The following COL1A1 variants were observed in gnomAD, a reference collection of about 807,000 sequenced individuals.
The protein encoded by COL1A1 is collagen type I alpha 1 chain.
A neutral mutation model predicts 195.7 loss-of-function variants in COL1A1; 21 were observed. The observed-to-expected ratio is 0.11, with a 90% CI of 0.08 to 0.15. COL1A1 has a LOEUF of 0.15. COL1A1 is among the 10% of genes least tolerant of loss of function. COL1A1 has a pLI of 1.00. For synonymous variants in COL1A1, 749 were observed against 747.3 expected (o/e 1.00, Z -0.04); for missense variants, 1,365 against 2,051.0 (o/e 0.67, Z 6.46).
intron 15 of COL1A1, 26 bp from the exon 16 acceptor site, chr17:50,196,002 G>A (rs753368960): frequency 2.0e-5 from 32 of 1,596,968 alleles, no homozygotes; most frequent in Non-Finnish European, 2.6e-5. Context: ...AGATGTCAGC[G>A]AGAAGGAAGA....
chr17:50,200,365 G>C (rs1268471442), intron 1 of COL1A1, among the ~76,000 whole-genome samples: 3 of 152,168 alleles, frequency 2.0e-5, no homozygotes, highest in African/African-American at 4.8e-5. Context: ...GGAGAGAAGG[G>C]AGGTCCAGCC....
Position 50,196,143 on chromosome 17 carries a change from G to A in COL1A1, c.1002+12C>T. 2 of 1,614,012 alleles carry A rather than the reference G, an allele frequency of 1.2e-6. No homozygotes were observed. Among genetic ancestry groups the A allele is most frequent in the Non-Finnish European group, 1.7e-6 (2 of 1,179,924 alleles). ...CCACTCCCAGGCCCTGAGGCCTACA[G>A]GCCACACTCACAGGGGGCCCGGCAG... On this transcript the variant is annotated intron_variant, in intron 15 of 50. Coordinates refer to ENST00000225964, the MANE Select transcript of COL1A1 (RefSeq NM_000088.4).
At position 50,191,604 on chromosome 17, in the gene COL1A1, G is replaced by C. The variant is rs879188440; in HGVS notation, c.2128-114C>G. On this transcript the variant is annotated intron_variant, in intron 31 of 50. Coordinates refer to ENST00000225964, the MANE Select transcript of COL1A1 (RefSeq NM_000088.4). ...GTTTCCAAGGCCAACGACAAGCCTT[G>C]AGAAAAGATGAAAAGACTCACAGCC... The C allele has an allele frequency of 4.2e-6, 5 of 1,184,124 alleles. No homozygotes were observed. The South Asian group carries it at 6.4e-5, about 15-fold the overall frequency. The allele number at this position is 1,184,124 out of a possible 1,614,324, so 73.4% of individuals were successfully genotyped here. A position where few individuals can be genotyped will look rare whatever the true frequency, so the allele number is the denominator to read the frequency against.
In COL1A1 at chr17:50,194,377, G is replaced by A; in HGVS notation, c.1586C>T (p.Pro529Leu). ...PKGSPGEAGR[P>L]GEAGLPGAKG... ...GGCACCAGGCAGACCAGCTTCACCG[G>A]GACGACCAGCTTCACCAGGAGATCC... The change falls in exon 23 of 51, where the codon CCC becomes CTC. Residue 529 changes from proline to leucine, a missense_variant. Transcript: ENST00000225964. This position sits in a 1 kb window ranked among gnomAD's most constrained non-coding sequence, Gnocchi z 6.8. The A allele has an allele frequency of 6.2e-7, 1 of 1,613,986 alleles. No homozygotes were observed. The highest frequency in any genetic ancestry group is 2.2e-5 in the East Asian group (1 of 44,864).
Position 50,197,168 on chromosome 17 carries a change from C to A in COL1A1, c.750+12G>T, listed in dbSNP as rs79480112. The A allele has an allele frequency of 7.1e-4, 1,143 of 1,613,880 alleles. 11 individuals are homozygous for A. In the African/African-American group the frequency reaches 0.014, roughly 19 times the overall value. On this transcript the variant is annotated intron_variant, in intron 10 of 50. Transcript: ENST00000225964. ...CAGTGAAGCCCAGGTTCAGCCACAG[C>A]CCCCTGCTCACCTGAGGCCCAGGAG...
chr17:50,198,780 A>G (rs1423314815), intron 5 of COL1A1: 1 of 511,126 alleles, frequency 2.0e-6, no homozygotes, highest in Non-Finnish European at 3.5e-6. Context: ...ATTTGTGGAA[A>G]CTAGAGACAT....
chr17:50,200,941 C>A (rs1338308725), intron 1 of COL1A1, among the ~76,000 whole-genome samples: 1 of 152,250 alleles, frequency 6.6e-6, no homozygotes, highest in Non-Finnish European at 1.5e-5. Flanking sequence ...ATCCTCCACC[C>A]GCCCACGCTC....
At position 50,199,832 on chromosome 17, in the gene COL1A1, C is replaced by A; in HGVS notation, c.219G>T (p.Val73=). 6.2e-7 allele frequency: 1 copy of A among 1,614,186 alleles called. No homozygotes were observed. ...GGCAGTTCTTGGTCTCGTCACAGAT[C>A]ACGTCATCGCACAACACCTTGCCGT... ...CDNGKVLCDD[V]ICDETKNCPG... Residue 73 remains valine, a synonymous_variant, in exon 2 of 51, where the codon GTG becomes GTT. Coordinates refer to ENST00000225964, the MANE Select transcript of COL1A1 (RefSeq NM_000088.4).
At chr17:50,197,309 T>A (rs368237164) in intron 9 of COL1A1, 76 bp from the exon 10 acceptor site, 115 of 1,466,694 alleles carry the variant, frequency 7.8e-5, no homozygotes, top group African/African-American at 6.1e-4. Flanking sequence ...GGAGAAGGTC[T>A]CAGTCTTCTT....
chr17:50,184,308 A>T lies in COL1A1; in HGVS notation c.*1194T>A. On this transcript the variant is annotated 3_prime_UTR_variant, in exon 51 of 51. Transcript: ENST00000225964. Reference sequence around the variant, plus strand: ...GGAGGGAGCCGGGAGGATGGGCTGCAGCTGTGGAGGAGGGTTTCAGAGGAG... The same window carrying T: ...GGAGGGAGCCGGGAGGATGGGCTGCTGCTGTGGAGGAGGGTTTCAGAGGAG... 1 of 231,518 alleles carries T rather than the reference A, an allele frequency of 4.3e-6. No homozygotes were observed. Among genetic ancestry groups the T allele is most frequent in the Non-Finnish European group, 8.6e-6 (1 of 116,730 alleles). 14.3% of individuals were successfully genotyped at this position (231,518 alleles called of 1,614,324 possible). A position where few individuals can be genotyped will look rare whatever the true frequency, so the allele number is the denominator to read the frequency against.
In COL1A1 at chr17:50,186,464, G is replaced by T. The variant is rs1183364518; in HGVS notation, c.3858C>A (p.Ala1286=). 1 of 1,614,088 alleles carries T rather than the reference G, an allele frequency of 6.2e-7. No individual in the cohort carries two copies. The highest frequency in any genetic ancestry group is 1.3e-5 in the African/African-American group (1 of 74,930). ...TCTCCATGTTGCAGAAGACTTTGAT[G>T]GCATCCAGGTTGCAGCCTTGGTTGG... ...IDPNQGCNLD[A]IKVFCNMETG... is the part of the protein sequence containing the mutation. The change falls in exon 49 of 51, where the codon GCC becomes GCA. Residue 1286 remains alanine (A), a synonymous_variant. Transcript: ENST00000225964. This position sits in a 1 kb window ranked among gnomAD's most constrained non-coding sequence, Gnocchi z 5.3.
intron 1 of COL1A1, 144 bp downstream of exon 1, chr17:50,201,266 AG>A: frequency 1.3e-6 from 1 of 785,248 alleles, no homozygotes; most frequent in Non-Finnish European, 2.1e-6. Context: ...CTCCTGTCTC[AG>A]GGCGCCGAGG....
chr17:50,188,143 C>A lies in COL1A1; in HGVS notation c.3214G>T (p.Ala1072Ser), dbSNP rs11556513. 1 of 1,560,636 alleles carries A rather than the reference C, an allele frequency of 6.4e-7. No homozygotes were observed. The highest frequency in any genetic ancestry group is 8.7e-7 in the Non-Finnish European group (1 of 1,151,162). ...KSGDRGETGPAGPAGPVGPVG... is the reference protein window; with the variant it reads ...KSGDRGETGPSGPAGPVGPVG... ...GGGCCGACAGGACCGGCGGGACCAG[C>A]AGGACCCTGGGGAGAGCAAGGAAAG... The change falls in exon 44 of 51, where the codon GCT (alanine) becomes TCT (serine). Residue 1072 changes from alanine (A) to serine (S), a missense_variant. This residue lies in a region of COL1A1 where 671 missense variants were observed against 1,099.9 expected (regional missense o/e 0.61). Coordinates refer to ENST00000225964, the MANE Select transcript of COL1A1 (RefSeq NM_000088.4). The surrounding 1 kb of genome is among the most constrained non-coding windows in gnomAD (Gnocchi z 5.6).
In COL1A1 at chr17:50,186,571, C is replaced by A; in HGVS notation, c.3815-64G>T. 6.2e-7 allele frequency: 1 copy of A among 1,612,038 alleles called. No homozygotes were observed. Among genetic ancestry groups the A allele is most frequent in the Non-Finnish European group, 8.5e-7 (1 of 1,178,354 alleles). On this transcript the variant is annotated intron_variant, in intron 48 of 50. Transcript: ENST00000225964. This position sits in a 1 kb window ranked among gnomAD's most constrained non-coding sequence, Gnocchi z 5.3. ...AGCAGCCAGCACCATATGGTAGGGG[C>A]ACATATGGGCATGGGGACCCTGGCA...
At position 50,198,272 on chromosome 17, in the gene COL1A1, T is replaced by C. The variant is rs148639363; in HGVS notation, c.544-67A>G. On this transcript the variant is annotated intron_variant, in intron 6 of 50. Transcript: ENST00000225964. Reference sequence around the variant, plus strand: ...TAGGAAAGCATGTGGATGTAGTCATTCATGCCTGTTGGGACCACCCAGTCG... The same window carrying C: ...TAGGAAAGCATGTGGATGTAGTCATCCATGCCTGTTGGGACCACCCAGTCG... 2.5e-4 allele frequency: 394 copies of C among 1,591,880 alleles called. 7 individuals are homozygous for C. In the East Asian group the frequency reaches 8.7e-3, roughly 35 times the overall value.
At chr17:50,193,484 C>CT (rs3062009) in intron 25 of COL1A1, 27,125 of 167,840 alleles carry the variant, frequency 0.16, 1,916 homozygotes, top group Non-Finnish European at 0.18. Flanking sequence ...TTTCTTTCTT[C>CT]TTTTTTTTTT....
chr17:50,187,750 T>A, intron 45 of COL1A1, 126 bp downstream of exon 45: 2 of 1,036,466 alleles, frequency 1.9e-6, no homozygotes, highest in Non-Finnish European at 2.9e-6. Flanking sequence ...TGCCCACAAA[T>A]CTTCAGACCC....
rs200106397 is a variant in COL1A1 at position 50,201,554 on chromosome 17, G to A, written c.-41C>T. On this transcript the variant is annotated 5_prime_UTR_variant, in exon 1 of 51. Coordinates refer to ENST00000225964, the MANE Select transcript of COL1A1 (RefSeq NM_000088.4). ...ATGTAGACTCTTTGTGGCTGGGGAG[G>A]GGGTTAGCGTCCGCTCATGCGTGGC... is the stretch of plus-strand genomic sequence containing the variant. 4.7e-4 allele frequency: 732 copies of A among 1,566,000 alleles called. 4 individuals carry two copies. The African/African-American group carries it at 8.8e-3, about 19-fold the overall frequency.
intron 26 of COL1A1, 71 bp downstream of exon 26, chr17:50,192,923 C>A (rs1907224404): frequency 1.2e-6 from 2 of 1,610,676 alleles, no homozygotes; most frequent in Non-Finnish European, 8.5e-7. Context: ...CCTCTAGCAC[C>A]CCTCCTGCAG....
Sources: allele counts gnomAD v4.1 joint callset (sites outside exome capture counted in the v4.1 genomes callset), GRCh38; gene constraint gnomAD v4.1.1; regional missense constraint gnomAD v4.1.1; non-coding constraint Gnocchi (gnomAD v3.1); transcripts MANE v1.5; gene names NCBI Gene and HGNC (gene_info 2026-07-23, HGNC 2026-07-21).